Variants in NLRP2 observed in about 807,000 individuals in gnomAD.
The protein encoded by NLRP2 is NACHT, LRR and PYD domains-containing protein 2.
NLRP2 carries 107 observed loss-of-function variants against 97.2 expected under a neutral mutation model. That is an observed-to-expected ratio of 1.10 (90% CI 0.94 to 1.29). The LOEUF is 1.29. Among genes scored for constraint, NLRP2 ranks in the 50% most tolerant of loss-of-function variants. The probability of loss-of-function intolerance (pLI) is 0.00; values close to 1 mark genes in which losing one functional copy is unlikely to be tolerated. For synonymous variants in NLRP2, 663 were observed against 551.5 expected, an observed-to-expected ratio of 1.20 and a Z score of -2.83; for missense variants, 1,495 against 1,330.3, an observed-to-expected ratio of 1.12 and a Z score of -1.93.
At chr19:54,990,832 A>G (rs2072427412) in intron 10 of NLRP2, 160 bp downstream of exon 10, 2 of 735,882 alleles carry the variant, frequency 2.7e-6, no homozygotes, top group Non-Finnish European at 4.9e-6. Flanking sequence ...TGGTAGGAAA[A>G]AAGTATAAGT....
chr19:54,976,017 G>A (rs1361439426), intron 3 of NLRP2, among the ~76,000 whole-genome samples: 2 of 151,860 alleles, frequency 1.3e-5, no homozygotes, highest in Non-Finnish European at 2.9e-5. Flanking sequence ...CCAAAGTGCT[G>A]GGATTACAGA....
chr19:54,990,512 T>C lies in NLRP2; in HGVS notation c.2548T>C (p.Cys850Arg), dbSNP rs1240754844. 6.2e-7 allele frequency: 1 copy of C among 1,614,028 alleles called. No individual in the cohort carries two copies. Among genetic ancestry groups the C allele is most frequent in the African/African-American group, 1.3e-5 (1 of 74,934 alleles). Residue 850 changes from cysteine (C) to arginine (R), a missense_variant, in exon 10 of 13, where the codon TGT (cysteine) becomes CGT (arginine). By Grantham distance (180) the Cys-to-Arg change is radical. Transcript: ENST00000448584. ...GTGATTCTTTTGTAGGTTGGAAAACTGTCACCTTACAGAAGCCAATTGCAA... is the reference window on the plus strand; with the variant it reads ...GTGATTCTTTTGTAGGTTGGAAAACCGTCACCTTACAGAAGCCAATTGCAA... ...CFLQRLSLEN[C>R]HLTEANCKDL... is the part of the protein sequence containing the mutation.
At chr19:54,966,493 A>G in intron 1 of NLRP2, 26 bp downstream of exon 1, 1 of 152,052 alleles carries the variant, frequency 6.6e-6, no homozygotes, top group Non-Finnish European at 1.5e-5. Flanking sequence ...GCAGCTCTGC[A>G]ACTTCATTTC....
chr19:54,989,818 C>T (rs1223954136), intron 8 of NLRP2: 2 of 620,022 alleles, frequency 3.2e-6, no homozygotes, highest in African/African-American at 1.8e-5. Context: ...ACCCCCACCT[C>T]TACTGAAAAT....
At position 54,992,574 on chromosome 19, in the gene NLRP2, G is replaced by GTT. The variant is rs71181722; in HGVS notation, c.2709-1684_2709-1683dup. 7.3e-3 allele frequency among the ~76,000 whole-genome samples: 692 copies of GTT among 94,996 alleles called. 15 individuals are homozygous for GTT. The highest frequency in any genetic ancestry group is 0.028 in the African/African-American group (662 of 23,694). The allele number at this position is 94,996 out of a possible 152,430, so 62.3% of individuals were successfully genotyped here. ...GGGTTTTCTTTTTTTTTTTTTTTTG[G>GTT]TTTTTTTTTTTTGATAGTCTTGCTC... is the stretch of plus-strand genomic sequence containing the variant. On this transcript the variant is annotated intron_variant, in intron 10 of 12. Transcript: ENST00000448584.
At chr19:54,965,914 AAAAAT>A (rs1352256889), upstream of NLRP2, 2 of 93,328 alleles carry the variant, frequency 2.1e-5, no homozygotes. Context: ...AGACTCCATT[AAAAAT>A]AAAATAATAA....
chr19:54,983,857 T>C (rs2146449377), intron 6 of NLRP2, 129 bp downstream of exon 6: 1 of 1,365,776 alleles, frequency 7.3e-7, no homozygotes, highest in East Asian at 2.3e-5. Context: ...ACTCTTTGTT[T>C]GTTTTTGTTT....
intron 1 of NLRP2, among the ~76,000 whole-genome samples, chr19:54,968,923 G>A (rs554655129): frequency 2.5e-3 from 374 of 151,394 alleles, no homozygotes; most frequent in African/African-American, 7.9e-3. Flanking sequence ...GGATGGTCTC[G>A]ATCTCCTGAC....
At chr19:54,990,365 T>G (rs760651783) in intron 9 of NLRP2, 137 bp from the exon 10 acceptor site, 38 of 1,113,790 alleles carry the variant, frequency 3.4e-5, no homozygotes, top group Non-Finnish European at 4.9e-5. Flanking sequence ...TTCCTATTCC[T>G]TCATAGGATC....
chr19:54,978,774 G>A (rs936156133), intron 4 of NLRP2, among the ~76,000 whole-genome samples: 1 of 151,374 alleles, frequency 6.6e-6, no homozygotes, highest in African/African-American at 2.4e-5. Flanking sequence ...TTGAACCCGG[G>A]AGGTGGAGGT....
chr19:54,967,855 A>G (rs1472167245), intron 1 of NLRP2, among the ~76,000 whole-genome samples: 2 of 151,536 alleles, frequency 1.3e-5, no homozygotes, highest in South Asian at 2.1e-4. Flanking sequence ...TTCTCACGCT[A>G]TTCACAGCTA....
Position 54,982,295 on chromosome 19 carries a change from G to C in NLRP2, c.597G>C (p.Arg199Ser). The change falls in exon 6 of 13, where the codon AGG (arginine) becomes AGC (serine). Residue 199 changes from arginine (R) to serine (S), a missense_variant. Coordinates refer to ENST00000448584, the MANE Select transcript of NLRP2 (RefSeq NM_017852.5). ...YKMLIPFSNP[R>S]VLPGPFSYTV... The stretch of plus-strand genomic sequence containing the variant: ...TGCTGATCCCATTCAGCAACCCCAG[G>C]GTGCTTCCCGGGCCCTTCTCATACA... 6.2e-7 allele frequency: 1 copy of C among 1,614,070 alleles called. No homozygotes were observed. Among genetic ancestry groups the C allele is most frequent in the South Asian group, 1.1e-5 (1 of 91,078 alleles).
intron 2 of NLRP2, among the ~76,000 whole-genome samples, chr19:54,972,428 G>A (rs549127600): frequency 9.9e-5 from 15 of 150,990 alleles, no homozygotes; most frequent in South Asian, 2.1e-4. Context: ...TGATCAACCC[G>A]CCTCAGCCTC....
In NLRP2 at chr19:54,982,448, C is replaced by T. The variant is rs763661793; in HGVS notation, c.750C>T (p.Leu250=). 1.9e-6 allele frequency: 3 copies of T among 1,614,194 alleles called. No homozygotes were observed. Among genetic ancestry groups the T allele is most frequent in the Non-Finnish European group, 2.5e-6 (3 of 1,180,034 alleles). Reference sequence around the variant, plus strand: ...CGTTCTACCTCAGCTGCAGGGAGCTCAGCCGCCTGGGCCCGTGCAGTTTTG... The same window carrying T: ...CGTTCTACCTCAGCTGCAGGGAGCTTAGCCGCCTGGGCCCGTGCAGTTTTG... ...KYAFYLSCRE[L]SRLGPCSFAE... Residue 250 remains leucine, a synonymous_variant, in exon 6 of 13, where the codon CTC becomes CTT. Coordinates refer to ENST00000448584, the MANE Select transcript of NLRP2 (RefSeq NM_017852.5).
chr19:55,000,807 A>G lies in NLRP2; in HGVS notation c.3098A>G (p.Glu1033Gly). The change falls in exon 13 of 13, where the codon GAA becomes GGA. Residue 1033 changes from glutamate to glycine, a missense_variant. Transcript: ENST00000448584. Reference sequence around the variant, plus strand: ...GATGAACTCAATAAGCTGCTGGAAGAAATAGAAGAAAAAAACCCACAACTG... The same window carrying G: ...GATGAACTCAATAAGCTGCTGGAAGGAATAGAAGAAAAAAACCCACAACTG... ...FNDELNKLLE[E>G]IEEKNPQLII... The G allele has an allele frequency of 6.2e-7, 1 of 1,613,756 alleles. No individual in the cohort carries two copies. Among genetic ancestry groups the G allele is most frequent in the East Asian group, 2.2e-5 (1 of 44,876 alleles).
At chr19:54,999,241 G>A (rs970954030) in intron 12 of NLRP2, among the ~76,000 whole-genome samples, 3 of 151,756 alleles carry the variant, frequency 2.0e-5, no homozygotes, top group Non-Finnish European at 2.9e-5. Flanking sequence ...TCCGCCTCCC[G>A]GGTTCAAGAG....
At chr19:54,980,932 A>G (rs2071528833) in intron 4 of NLRP2, among the ~76,000 whole-genome samples, 1 of 152,292 alleles carries the variant, frequency 6.6e-6, no homozygotes, top group South Asian at 2.1e-4. Context: ...CAACATGGCG[A>G]AACCCCATCT....
At chr19:54,966,980 C>T (rs1263206965) in intron 1 of NLRP2, among the ~76,000 whole-genome samples, 6 of 151,634 alleles carry the variant, frequency 4.0e-5, no homozygotes, top group Non-Finnish European at 1.5e-5. Context: ...TAGCTGGGAC[C>T]GTGGGAGGGT....
At position 54,975,106 on chromosome 19, in the gene NLRP2, G is replaced by GTTT. The variant is rs558518586; in HGVS notation, c.325+597_325+599dup. Among the ~76,000 whole-genome samples the GTTT allele has an allele frequency of 4.4e-4, 26 of 58,704 alleles. 4 individuals carry two copies. Among genetic ancestry groups the GTTT allele is most frequent in the Non-Finnish European group, 7.6e-4 (22 of 28,944 alleles). 38.5% of individuals were successfully genotyped at this position (58,704 alleles called of 152,430 possible). On this transcript the variant is annotated intron_variant, in intron 3 of 12. Transcript: ENST00000448584. ...ATGAGCCACCACCACACCCGGTTTT[G>GTTT]TTTTTTTTTTTTTTTTTTTTTTTTT...
Sources: gnomAD v4.1 joint callset for allele counts (sites outside exome capture counted in the v4.1 genomes callset) on GRCh38, gnomAD v4.1.1 for gene constraint, MANE v1.5 for transcripts, NCBI Gene and HGNC (gene_info 2026-07-23, HGNC 2026-07-21) for gene names.